The following PCDHGA2 variants were observed in gnomAD, a reference collection of about 807,000 sequenced individuals.
The protein encoded by PCDHGA2 is protocadherin gamma-A2.
Under a neutral mutation model 59.2 loss-of-function variants are expected in PCDHGA2, and 40 were observed. That is an observed-to-expected ratio of 0.68 (90% CI 0.52 to 0.88). PCDHGA2 has a LOEUF of 0.88. Ranked by LOEUF, PCDHGA2 falls within the 40% of genes least tolerant of loss-of-function variation. PCDHGA2 has a pLI of 0.00. For synonymous variants in PCDHGA2, 560 were observed against 526.0 expected (o/e 1.06, Z -0.89); for missense variants, 1,226 against 1,204.0 (o/e 1.02, Z -0.27).
chr5:141,432,934 G>A lies in PCDHGA2; in HGVS notation c.2425-61873G>A. The stretch of plus-strand genomic sequence containing the variant: ...GGCGCTGGCACAAGTCACGCCTGCT[G>A]CAGGCTTCAGGAGGCGGCTTGACAG... On this transcript the variant is annotated intron_variant, in intron 1 of 3. Transcript: ENST00000394576. This position sits in a 1 kb window ranked among gnomAD's most constrained non-coding sequence, Gnocchi z 6.0. 1.9e-6 allele frequency: 3 copies of A among 1,614,196 alleles called. No individual in the cohort carries two copies. Among genetic ancestry groups the A allele is most frequent in the Non-Finnish European group, 2.5e-6 (3 of 1,180,040 alleles).
intron 1 of PCDHGA2, among the ~76,000 whole-genome samples, chr5:141,460,981 G>A (rs35435563): frequency 1.6e-4 from 20 of 121,900 alleles, no homozygotes; most frequent in African/African-American, 3.7e-4. Context: ...GTGTGTGTGT[G>A]TGTATATATA....
intron 1 of PCDHGA2, chr5:141,372,329 T>G (rs374029933): frequency 2.5e-6 from 4 of 1,613,738 alleles, no homozygotes; most frequent in Non-Finnish European, 2.5e-6. Context: ...TGCTGGTCAC[T>G]GTGCGTGATG....
At chr5:141,444,471 G>A (rs929365899) in intron 1 of PCDHGA2, among the ~76,000 whole-genome samples, 1 of 151,876 alleles carries the variant, frequency 6.6e-6, no homozygotes, top group Non-Finnish European at 1.5e-5. Flanking sequence ...GCGCCCGGTC[G>A]CGTACTGGAT....
intron 1 of PCDHGA2, chr5:141,356,536 A>G: frequency 6.2e-7 from 1 of 1,614,110 alleles, no homozygotes; most frequent in Non-Finnish European, 8.5e-7. Context: ...GATGGACATC[A>G]ATGACAACCC....
intron 1 of PCDHGA2, chr5:141,365,934 G>A (rs1488431310): frequency 6.2e-7 from 1 of 1,614,116 alleles, no homozygotes; most frequent in Non-Finnish European, 8.5e-7. Context: ...GTGACAGCCA[G>A]CGACAGTGGG....
At chr5:141,372,810 G>A (rs1769086756) in intron 1 of PCDHGA2, 3 of 1,587,362 alleles carry the variant, frequency 1.9e-6, no homozygotes, top group Non-Finnish European at 2.6e-6. Flanking sequence ...TTTGCAAAAG[G>A]TGAGTTTCTT....
intron 1 of PCDHGA2, among the ~76,000 whole-genome samples, chr5:141,434,245 T>G (rs921135977): frequency 3.3e-5 from 5 of 152,224 alleles, no homozygotes; most frequent in African/African-American, 1.2e-4. Context: ...CTAGATGACT[T>G]GGGCATTGTG....
At chr5:141,463,784 T>G (rs2099069378) in intron 1 of PCDHGA2, among the ~76,000 whole-genome samples, 1 of 152,194 alleles carries the variant, frequency 6.6e-6, no homozygotes, top group South Asian at 2.1e-4. Context: ...CTGCACTGTC[T>G]TTTGAACAAA....
At chr5:141,454,824 T>C (rs1231148585) in intron 1 of PCDHGA2, among the ~76,000 whole-genome samples, 1 of 127,218 alleles carries the variant, frequency 7.9e-6, no homozygotes, top group African/African-American at 3.3e-5. Flanking sequence ...TTTTTTTTTT[T>C]TGAGACAGAG....
chr5:141,489,381 T>A lies in PCDHGA2; in HGVS notation c.2425-5426T>A. 1 of 1,613,894 alleles carries A rather than the reference T, an allele frequency of 6.2e-7. No homozygotes were observed. The highest frequency in any genetic ancestry group is 8.5e-7 in the Non-Finnish European group (1 of 1,179,802). ...CTGAGCCGGGGACGCTGGTGGGGAATGTTGCTCAGGATCTGGGCTTAAAGA... is the reference window on the plus strand; with the variant it reads ...CTGAGCCGGGGACGCTGGTGGGGAAAGTTGCTCAGGATCTGGGCTTAAAGA... On this transcript the variant is annotated intron_variant, in intron 1 of 3. Transcript: ENST00000394576. The surrounding 1 kb of genome is among the most constrained non-coding windows in gnomAD (Gnocchi z 4.5).
chr5:141,480,402 G>A (rs1268532373), intron 1 of PCDHGA2, among the ~76,000 whole-genome samples: 2 of 145,838 alleles, frequency 1.4e-5, no homozygotes, highest in African/African-American at 2.6e-5. Flanking sequence ...GCAATAGAGT[G>A]AGACCCTGTC....
At chr5:141,372,031 T>G in intron 1 of PCDHGA2, 3 of 1,613,434 alleles carry the variant, frequency 1.9e-6, no homozygotes, top group Non-Finnish European at 2.5e-6. Context: ...AGCGCCAACG[T>G]GAGCCTGCGC....
At position 141,403,374 on chromosome 5, in the gene PCDHGA2, A is replaced by G. The variant is rs1448394920; in HGVS notation, c.2424+61979A>G. 3.1e-6 allele frequency: 5 copies of G among 1,613,936 alleles called. No individual in the cohort carries two copies. The African/African-American group carries it at 6.7e-5, about 22-fold the overall frequency. ...TTCCAGGCCGAAAGTCTGGAAGTAA[A>G]AATTAACGAAATCGCGGTTCCTGGA... On this transcript the variant is annotated intron_variant, in intron 1 of 3. Transcript: ENST00000394576.
intron 2 of PCDHGA2, 145 bp downstream of exon 2, chr5:141,495,010 G>GT: frequency 6.6e-7 from 1 of 1,516,970 alleles, no homozygotes; most frequent in East Asian, 2.5e-5. Flanking sequence ...GTGTGCGGGG[G>GT]GCTGGCACAC....
intron 1 of PCDHGA2, among the ~76,000 whole-genome samples, chr5:141,492,711 C>T (rs927567393): frequency 4.6e-5 from 7 of 152,254 alleles, no homozygotes; most frequent in East Asian, 3.8e-4. Flanking sequence ...AAGCCTCGAG[C>T]AGGCGGACAG....
chr5:141,512,897 C>T lies in PCDHGA2; in HGVS notation c.*1724C>T, dbSNP rs1482341871. ...CTCCCACCCCACCCTCTTCCTGTGT[C>T]TCACGCAAGTTTTATACTCTAATAT... On this transcript the variant is annotated 3_prime_UTR_variant, in exon 4 of 4. Coordinates refer to ENST00000394576, the MANE Select transcript of PCDHGA2 (RefSeq NM_018915.4). 1.3e-5 allele frequency: 2 copies of T among 152,274 alleles called. No homozygotes were observed. The highest frequency in any genetic ancestry group is 4.8e-5 in the African/African-American group (2 of 41,470). The allele number at this position is 152,274 out of a possible 1,614,324, so 9.4% of individuals were successfully genotyped here. A position where few individuals can be genotyped will look rare whatever the true frequency, so the allele number is the denominator to read the frequency against.
In PCDHGA2 at chr5:141,339,519, G is replaced by A. The variant is rs747173386; in HGVS notation, c.548G>A (p.Arg183Gln). Residue 183 changes from arginine to glutamine, a missense_variant, in exon 1 of 4, where the codon CGA becomes CAA. Arg to Gln is a conservative substitution (Grantham distance 43). Transcript: ENST00000394576. ...AATGACCACTTCTCCCTGGACGTGC[G>A]AAGGGGAGCTGATGGGAACAAGTAC... ...NPNDHFSLDVRRGADGNKYPE... is the reference protein window; with the variant it reads ...NPNDHFSLDVQRGADGNKYPE... 1 of 1,614,164 alleles carries A rather than the reference G, an allele frequency of 6.2e-7. No homozygotes were observed. Among genetic ancestry groups the A allele is most frequent in the Non-Finnish European group, 8.5e-7 (1 of 1,180,036 alleles).
At chr5:141,388,734 G>C in intron 1 of PCDHGA2, 1 of 1,614,018 alleles carries the variant, frequency 6.2e-7, no homozygotes, top group Non-Finnish European at 8.5e-7. Flanking sequence ...TTTCAGTGAA[G>C]CTAGCCAGAT....
Position 141,423,257 on chromosome 5 carries a change from G to T in PCDHGA2, c.2425-71550G>T, listed in dbSNP as rs1412429501. ...ATCCCCGAAGTCCTGGCGGACCTCG[G>T]CAGCCTCGAGTCTCTGGCTAACTCT... On this transcript the variant is annotated intron_variant, in intron 1 of 3. Transcript: ENST00000394576. The T allele has an allele frequency of 8.7e-6, 14 of 1,613,946 alleles. No individual in the cohort carries two copies. The highest frequency in any genetic ancestry group is 1.3e-5 in the African/African-American group (1 of 75,060).
Sources: gnomAD v4.1 joint callset for allele counts (sites outside exome capture counted in the v4.1 genomes callset) on GRCh38, gnomAD v4.1.1 for gene constraint, Gnocchi (gnomAD v3.1) non-coding constraint, MANE v1.5 for transcripts, NCBI Gene and HGNC (gene_info 2026-07-23, HGNC 2026-07-21) for gene names.